Variants in TMEM132D observed in about 807,000 individuals in gnomAD.
The protein encoded by TMEM132D is transmembrane protein 132D.
A neutral mutation model predicts 62.3 loss-of-function variants in TMEM132D; 21 were observed. The observed-to-expected ratio is 0.34, with a 90% CI of 0.24 to 0.49. The LOEUF (loss-of-function observed/expected upper bound fraction) is 0.49. Ranked by LOEUF, TMEM132D falls within the 20% of genes least tolerant of loss-of-function variation. The pLI, the probability that TMEM132D is intolerant of heterozygous loss-of-function variation, is 0.99. For missense variants in TMEM132D, 1,346 were observed against 1,402.8 expected, an observed-to-expected ratio of 0.96 and a Z score of 0.65; for synonymous variants, 621 against 575.6, an observed-to-expected ratio of 1.08 and a Z score of -1.13.
intron 4 of TMEM132D, among the ~76,000 whole-genome samples, chr12:129,246,232 G>T (rs1032144954): frequency 2.0e-5 from 3 of 152,180 alleles, no homozygotes; most frequent in African/African-American, 7.2e-5. Context: ...TCAGCTGTGA[G>T]TATATAGAAG....
At chr12:129,084,740 G>A (rs762915333) in intron 5 of TMEM132D, 38 bp from the exon 6 acceptor site, 2 of 1,600,322 alleles carry the variant, frequency 1.2e-6, no homozygotes, top group Non-Finnish European at 1.7e-6. Context: ...AGGGAAAGGT[G>A]AGCTTTCATC....
intron 5 of TMEM132D, among the ~76,000 whole-genome samples, chr12:129,121,108 T>TG (rs1876045211): frequency 6.6e-6 from 1 of 152,086 alleles, no homozygotes; most frequent in African/African-American, 2.4e-5. Flanking sequence ...TTTATTTGTT[T>TG]TTTTTGAGGC....
intron 4 of TMEM132D, among the ~76,000 whole-genome samples, chr12:129,223,022 A>G (rs1879388585): frequency 6.6e-6 from 1 of 152,138 alleles, no homozygotes; most frequent in Non-Finnish European, 1.5e-5. Flanking sequence ...TTAAACATAC[A>G]CAATGTTTAT....
At chr12:129,879,094 C>T (rs772449711) in intron 1 of TMEM132D, among the ~76,000 whole-genome samples, 1 of 152,204 alleles carries the variant, frequency 6.6e-6, no homozygotes, top group African/African-American at 2.4e-5. Context: ...ATGTGAAATG[C>T]AGTCTATTTT....
chr12:129,533,861 T>C (rs1306355946), intron 2 of TMEM132D, among the ~76,000 whole-genome samples: 1 of 152,228 alleles, frequency 6.6e-6, no homozygotes, highest in Non-Finnish European at 1.5e-5. Context: ...GTTTTAGATG[T>C]TCAGAATTGA....
intron 3 of TMEM132D, among the ~76,000 whole-genome samples, chr12:129,470,043 A>G (rs1020361397): frequency 5.3e-5 from 8 of 152,186 alleles, no homozygotes; most frequent in African/African-American, 1.7e-4. Context: ...ACAGTATGTG[A>G]ATCAACCTAG....
chr12:129,850,458 TG>T (rs1436580220), intron 1 of TMEM132D, among the ~76,000 whole-genome samples: 1 of 151,972 alleles, frequency 6.6e-6, no homozygotes, highest in Non-Finnish European at 1.5e-5. Context: ...GGGATGTGGG[TG>T]GGGCAAAAAT....
At chr12:129,473,324 GTTT>G (rs751523415) in intron 3 of TMEM132D, among the ~76,000 whole-genome samples, 11 of 81,550 alleles carry the variant, frequency 1.3e-4, no homozygotes, top group African/African-American at 5.3e-4. Context: ...TTTAGTTTTT[GTTT>G]TTTTTTTTTT....
At chr12:129,810,831 T>C (rs183267193) in intron 1 of TMEM132D, among the ~76,000 whole-genome samples, 34 of 152,244 alleles carry the variant, frequency 2.2e-4, no homozygotes, top group Non-Finnish European at 5.9e-5. Flanking sequence ...AAAATCAAAA[T>C]TATTCCTAAC....
At chr12:129,800,191 C>T (rs564565233) in intron 1 of TMEM132D, among the ~76,000 whole-genome samples, 31 of 152,148 alleles carry the variant, frequency 2.0e-4, no homozygotes, top group African/African-American at 6.5e-4. Flanking sequence ...CCAGAAAGGA[C>T]GTGGATTTAA....
intron 1 of TMEM132D, among the ~76,000 whole-genome samples, chr12:129,817,458 GCTCT>G (rs1872380446): frequency 1.4e-5 from 2 of 144,546 alleles, no homozygotes; most frequent in Admixed American, 7.0e-5. Flanking sequence ...CCAACCGCTC[GCTCT>G]CTCTCCCCAC....
At chr12:129,158,277 G>A (rs186935250) in intron 5 of TMEM132D, among the ~76,000 whole-genome samples, 12 of 152,182 alleles carry the variant, frequency 7.9e-5, no homozygotes, top group South Asian at 2.1e-4. Context: ...TTGCACACAC[G>A]TGTGCATGCT....
intron 4 of TMEM132D, among the ~76,000 whole-genome samples, chr12:129,279,568 G>C (rs573957322): frequency 6.6e-6 from 1 of 151,476 alleles, no homozygotes; most frequent in Non-Finnish European, 1.5e-5. Flanking sequence ...TTTGAGGGGG[G>C]TATAAAATCG....
At chr12:129,457,428 C>T (rs1174087422) in intron 3 of TMEM132D, among the ~76,000 whole-genome samples, 8 of 97,954 alleles carry the variant, frequency 8.2e-5, no homozygotes, top group African/African-American at 1.8e-4. Context: ...CATCACACAC[C>T]GGGGCCTGTT....
At chr12:129,285,559 C>CCCATT (rs1263598874) in intron 4 of TMEM132D, among the ~76,000 whole-genome samples, 2 of 129,794 alleles carry the variant, frequency 1.5e-5, no homozygotes, top group African/African-American at 5.6e-5. Context: ...GAGAGAGGCT[C>CCCATT]CCATTATCAT....
intron 4 of TMEM132D, among the ~76,000 whole-genome samples, chr12:129,259,551 A>G (rs1880498168): frequency 6.6e-6 from 1 of 152,190 alleles, no homozygotes; most frequent in South Asian, 2.1e-4. Flanking sequence ...TTTTAATCTT[A>G]GTGGCAGGTT....
At chr12:129,565,069 A>C (rs1877332024) in intron 2 of TMEM132D, among the ~76,000 whole-genome samples, 1 of 152,214 alleles carries the variant, frequency 6.6e-6, no homozygotes, top group Non-Finnish European at 1.5e-5. Flanking sequence ...GAGAAGAAAA[A>C]TGGGTGAACG....
intron 5 of TMEM132D, among the ~76,000 whole-genome samples, chr12:129,158,060 G>A (rs1308772870): frequency 6.6e-6 from 1 of 152,186 alleles, no homozygotes; most frequent in South Asian, 2.1e-4. Context: ...TTATATTTTA[G>A]AGAAAGATTA....
At chr12:129,476,605 C>T (rs1874264405) in intron 3 of TMEM132D, among the ~76,000 whole-genome samples, 1 of 152,146 alleles carries the variant, frequency 6.6e-6, no homozygotes, top group Non-Finnish European at 1.5e-5. Context: ...GGCTCAAATT[C>T]TCTACATTAA....
Sources: allele counts gnomAD v4.1 joint callset (sites outside exome capture counted in the v4.1 genomes callset), GRCh38; gene constraint gnomAD v4.1.1; transcripts MANE v1.5; gene names NCBI Gene and HGNC (gene_info 2026-07-23, HGNC 2026-07-21).